The following ABTB3 variants were observed in gnomAD, a reference collection of about 807,000 sequenced individuals.
ABTB3 encodes the protein ankyrin repeat and BTB domain containing 3.
chr12:107,600,758 G>T, the ABTB3 span, among the ~76,000 whole-genome samples: 3 of 152,198 alleles, frequency 2.0e-5, no homozygotes, highest in Admixed American at 6.5e-5. Flanking sequence ...CCAACCTGCT[G>T]GTGAGACCCA....
the ABTB3 span, among the ~76,000 whole-genome samples, chr12:107,389,457 T>C: frequency 6.6e-6 from 1 of 151,528 alleles, no homozygotes. Context: ...CCGGACAGTC[T>C]GACACCTGAG....
the ABTB3 span, among the ~76,000 whole-genome samples, chr12:107,539,607 G>A: frequency 6.6e-6 from 1 of 152,314 alleles, no homozygotes; most frequent in South Asian, 2.1e-4. Context: ...TCAGCGTTCA[G>A]AATGCTGGCA....
At chr12:107,450,614 A>G in the ABTB3 span, among the ~76,000 whole-genome samples, 222 of 152,296 alleles carry the variant, frequency 1.5e-3, 1 homozygote, top group Non-Finnish European at 2.6e-3. Flanking sequence ...CATAAAGTGG[A>G]CAGTGGTTTG....
the ABTB3 span, among the ~76,000 whole-genome samples, chr12:107,453,612 T>C: frequency 2.0e-5 from 3 of 152,190 alleles, no homozygotes; most frequent in Non-Finnish European, 4.4e-5. Flanking sequence ...ACCCAGTCTA[T>C]AGTATTTTGT....
At chr12:107,608,914 AAAT>A in the ABTB3 span, among the ~76,000 whole-genome samples, 26 of 84,566 alleles carry the variant, frequency 3.1e-4, no homozygotes, top group African/African-American at 1.4e-3. Flanking sequence ...AAATAAAATA[AAAT>A]AAAATAAAAT....
the ABTB3 span, among the ~76,000 whole-genome samples, chr12:107,588,964 C>G: frequency 6.6e-6 from 1 of 152,212 alleles, no homozygotes; most frequent in Non-Finnish European, 1.5e-5. Flanking sequence ...GTTAGAACCA[C>G]AGGACTTGGA....
At chr12:107,448,483 C>T in the ABTB3 span, among the ~76,000 whole-genome samples, 2 of 152,112 alleles carry the variant, frequency 1.3e-5, no homozygotes, top group South Asian at 4.2e-4. Context: ...AGGCAGTTCC[C>T]AAATAAATGA....
At chr12:107,475,480 G>GC in the ABTB3 span, among the ~76,000 whole-genome samples, 1 of 152,176 alleles carries the variant, frequency 6.6e-6, no homozygotes, top group African/African-American at 2.4e-5. Context: ...GCAGCCTCCT[G>GC]CCTGGTGGCC....
the ABTB3 span, among the ~76,000 whole-genome samples, chr12:107,453,756 T>C: frequency 1.3e-5 from 2 of 152,126 alleles, no homozygotes; most frequent in Non-Finnish European, 2.9e-5. Flanking sequence ...GAAGAGGCTG[T>C]TGGAGCCCCC....
At chr12:107,617,151 G>C in the ABTB3 span, 1 of 1,614,156 alleles carries the variant, frequency 6.2e-7, no homozygotes, top group African/African-American at 1.3e-5. Flanking sequence ...AGAACTACTC[G>C]GAAACACCCC....
chr12:107,532,781 C>T, the ABTB3 span, among the ~76,000 whole-genome samples: 2 of 152,086 alleles, frequency 1.3e-5, no homozygotes, highest in Non-Finnish European at 2.9e-5. Flanking sequence ...AGAAAAGCAT[C>T]CAGCTACATA....
At chr12:107,654,627 G>T in the ABTB3 span, among the ~76,000 whole-genome samples, 4 of 152,004 alleles carry the variant, frequency 2.6e-5, no homozygotes. Context: ...TTATTTGGGG[G>T]TATATTCCCA....
At chr12:107,373,312 A>G in the ABTB3 span, among the ~76,000 whole-genome samples, 2 of 152,062 alleles carry the variant, frequency 1.3e-5, no homozygotes, top group African/African-American at 4.8e-5. Context: ...CTGTTCCTAA[A>G]TGTTTCAGCT....
At chr12:107,635,649 G>T in the ABTB3 span, among the ~76,000 whole-genome samples, 5 of 152,086 alleles carry the variant, frequency 3.3e-5, no homozygotes, top group Non-Finnish European at 7.4e-5. Context: ...GCTGCCAAAG[G>T]CCTCCTGATT....
chr12:107,581,295 G>GCA, the ABTB3 span: 1 of 1,416,428 alleles, frequency 7.1e-7, no homozygotes, highest in Non-Finnish European at 9.1e-7. Flanking sequence ...TGCGAGCCGC[G>GCA]CCAGCTCAGG....
At chr12:107,379,583 A>G in the ABTB3 span, among the ~76,000 whole-genome samples, 1 of 152,198 alleles carries the variant, frequency 6.6e-6, no homozygotes, top group Non-Finnish European at 1.5e-5. Flanking sequence ...TAAATTACCC[A>G]GTCTCAGGTA....
At chr12:107,478,348 A>T in the ABTB3 span, among the ~76,000 whole-genome samples, 1 of 152,192 alleles carries the variant, frequency 6.6e-6, no homozygotes, top group Admixed American at 6.5e-5. Flanking sequence ...CACTCAAGCT[A>T]GGCGAGATGG....
At chr12:107,453,761 GC>G in the ABTB3 span, among the ~76,000 whole-genome samples, 3 of 152,214 alleles carry the variant, frequency 2.0e-5, no homozygotes, top group Non-Finnish European at 4.4e-5. Flanking sequence ...GGCTGTTGGA[GC>G]CCCCAGACAA....
chr12:107,324,490 T>C, the ABTB3 span, among the ~76,000 whole-genome samples: 1 of 152,072 alleles, frequency 6.6e-6, no homozygotes, highest in Non-Finnish European at 1.5e-5. Flanking sequence ...TAAAATAAAA[T>C]AAAATAAAAT....
Sources: gnomAD v4.1 joint callset for allele counts (sites outside exome capture counted in the v4.1 genomes callset) on GRCh38, gnomAD v4.1.1 for gene constraint, MANE v1.5 for transcripts, NCBI Gene and HGNC (gene_info 2026-07-23, HGNC 2026-07-21) for gene names.